Variants in FOXK2 observed in about 807,000 individuals in gnomAD.
The protein encoded by FOXK2 is forkhead box K2.
In FOXK2, 24 loss-of-function variants were observed where a neutral mutation model predicts 53.3. The ratio of observed to expected loss-of-function variants is 0.45; its 90% CI spans 0.33 to 0.63. The LOEUF (loss-of-function observed/expected upper bound fraction) is 0.63, where lower values mean the gene tolerates loss of function less well. Among genes scored for constraint, FOXK2 ranks in the 30% least tolerant of loss-of-function variants. The pLI, the probability that FOXK2 is intolerant of heterozygous loss-of-function variation, is 0.03. For missense variants in FOXK2, 952 were observed against 910.5 expected, an observed-to-expected ratio of 1.05 and a Z score of -0.59; for synonymous variants, 505 against 407.1, an observed-to-expected ratio of 1.24 and a Z score of -2.89.
rs147766364 is a variant in FOXK2, at chr17:82,546,791, C to T, written c.420-16563C>T. 3.6e-4 allele frequency among the ~76,000 whole-genome samples: 55 copies of T among 152,076 alleles called. No homozygotes were observed. In the East Asian group the frequency reaches 8.3e-3, roughly 23 times the overall value. On this transcript the variant is annotated intron_variant, in intron 1 of 8. Coordinates refer to ENST00000335255, the MANE Select transcript of FOXK2 (RefSeq NM_004514.4). ...CTAAAACTCGCTTTTAAATAAAGAA[C>T]TCAGGCCGGGTGCGGTGGCTCACAC... is the stretch of plus-strand genomic sequence containing the variant.
At chr17:82,547,134 T>A (rs1288655824) in intron 1 of FOXK2, among the ~76,000 whole-genome samples, 1 of 151,708 alleles carries the variant, frequency 6.6e-6, no homozygotes, top group Non-Finnish European at 1.5e-5. Context: ...TCTCTTATAG[T>A]GTATACTGTC....
At chr17:82,544,507 A>G (rs1235784533) in intron 1 of FOXK2, among the ~76,000 whole-genome samples, 1 of 152,188 alleles carries the variant, frequency 6.6e-6, no homozygotes, top group Non-Finnish European at 1.5e-5. Flanking sequence ...ACAGTAGCAC[A>G]GCGTGTGTAC....
At chr17:82,546,055 C>A (rs926803841) in intron 1 of FOXK2, among the ~76,000 whole-genome samples, 1 of 151,080 alleles carries the variant, frequency 6.6e-6, no homozygotes, top group Non-Finnish European at 1.5e-5. Flanking sequence ...TTGCATTTCC[C>A]TAATGACTAA....
intron 8 of FOXK2, among the ~76,000 whole-genome samples, chr17:82,593,077 C>A (rs1309778466): frequency 7.5e-6 from 1 of 133,526 alleles, no homozygotes; most frequent in Non-Finnish European, 1.6e-5. Flanking sequence ...TCTGAAAGAC[C>A]CAGTGAAGGT....
At chr17:82,572,096 A>C (rs3751908) in intron 4 of FOXK2, 2 of 395,152 alleles carry the variant, frequency 5.1e-6, no homozygotes, top group African/African-American at 2.1e-5. Flanking sequence ...CTAGGCCTGC[A>C]TGCTTTACTG....
intron 4 of FOXK2, 198 bp downstream of exon 4, chr17:82,572,068 G>A (rs543118204): frequency 3.6e-5 from 17 of 473,764 alleles, no homozygotes; most frequent in African/African-American, 2.8e-4. Flanking sequence ...AGAAGGAAGC[G>A]TGGTTCTGGA....
chr17:82,541,167 A>G (rs533694813), intron 1 of FOXK2, among the ~76,000 whole-genome samples: 7 of 152,332 alleles, frequency 4.6e-5, no homozygotes, highest in African/African-American at 1.7e-4. Context: ...AGGGGCGTGC[A>G]GGGACAGGGA....
chr17:82,521,113 C>T (rs187174328), intron 1 of FOXK2, among the ~76,000 whole-genome samples: 2 of 152,274 alleles, frequency 1.3e-5, no homozygotes, highest in Admixed American at 1.3e-4. Context: ...CTAATTATTC[C>T]TCAGGGGCTC....
intron 1 of FOXK2, among the ~76,000 whole-genome samples, chr17:82,547,046 C>T (rs2044632833): frequency 6.9e-6 from 1 of 145,162 alleles, no homozygotes; most frequent in Non-Finnish European, 1.5e-5. Context: ...CACTGCACTC[C>T]AACCTGGGCG....
At chr17:82,586,981 T>A in intron 7 of FOXK2, 82 bp from the exon 8 acceptor site, 2 of 1,265,942 alleles carry the variant, frequency 1.6e-6, no homozygotes, top group South Asian at 2.4e-5. Flanking sequence ...GTGATAGCTA[T>A]CTGGTTATTA....
chr17:82,542,809 G>T (rs2044587246), intron 1 of FOXK2, among the ~76,000 whole-genome samples: 1 of 152,120 alleles, frequency 6.6e-6, no homozygotes, highest in African/African-American at 2.4e-5. Flanking sequence ...TTGAGGACAG[G>T]AGTTCGAGAC....
In FOXK2 at chr17:82,576,237, C is replaced by T. The variant is rs541426656; in HGVS notation, c.909+4367C>T. On this transcript the variant is annotated intron_variant, in intron 4 of 8. Transcript: ENST00000335255. ...TGTGCTCGGGTGGCGGCGGCGGGTT[C>T]GTCCACACCAGCGTGTGTGCTCGGG... Among the ~76,000 whole-genome samples the T allele has an allele frequency of 1.2e-4, 14 of 112,406 alleles. No homozygotes were observed. The East Asian group carries it at 3.2e-3, about 26-fold the overall frequency. The allele number at this position is 112,406 out of a possible 152,430, so 73.7% of individuals were successfully genotyped here.
chr17:82,577,201 A>G, intron 4 of FOXK2: 2 of 1,087,242 alleles, frequency 1.8e-6, no homozygotes, highest in Non-Finnish European at 2.7e-6. Context: ...ATTCATTAAA[A>G]ATAGGTGTGT....
At chr17:82,587,535 A>G (rs545731580) in intron 8 of FOXK2, 118 of 484,166 alleles carry the variant, frequency 2.4e-4, no homozygotes, top group African/African-American at 2.2e-3. Flanking sequence ...CCTCTTGTAG[A>G]TTTCCTGGGT....
At chr17:82,579,587 T>C (rs75861963) in intron 4 of FOXK2, among the ~76,000 whole-genome samples, 3 of 62,780 alleles carry the variant, frequency 4.8e-5, no homozygotes, top group Admixed American at 3.2e-4. Flanking sequence ...ACACATGGCC[T>C]AGCCCTCCTC....
intron 3 of FOXK2, among the ~76,000 whole-genome samples, chr17:82,569,099 T>C (rs896934292): frequency 2.6e-5 from 4 of 152,222 alleles, no homozygotes; most frequent in Admixed American, 1.3e-4. Flanking sequence ...ACTTAGGGAA[T>C]AGCATGCAGA....
At chr17:82,596,973 C>A (rs1199856356) in intron 8 of FOXK2, among the ~76,000 whole-genome samples, 1 of 152,212 alleles carries the variant, frequency 6.6e-6, no homozygotes, top group South Asian at 2.1e-4. Context: ...GCTCAGAGCT[C>A]TCACGGAACA....
chr17:82,553,127 G>T (rs187009945), intron 1 of FOXK2, among the ~76,000 whole-genome samples: 195 of 152,272 alleles, frequency 1.3e-3, no homozygotes, highest in African/African-American at 4.5e-3. Flanking sequence ...GTAGAGATGG[G>T]GTTTCACTAT....
chr17:82,530,390 T>C (rs1243310183), intron 1 of FOXK2, among the ~76,000 whole-genome samples: 1 of 123,930 alleles, frequency 8.1e-6, no homozygotes, highest in Non-Finnish European at 1.6e-5. Context: ...CTCGGGAGGC[T>C]AAGGCAGGAG....
Sources: allele counts gnomAD v4.1 joint callset (sites outside exome capture counted in the v4.1 genomes callset), GRCh38; gene constraint gnomAD v4.1.1; transcripts MANE v1.5; gene names NCBI Gene and HGNC (gene_info 2026-07-23, HGNC 2026-07-21).